The following RNF2 variants were observed in gnomAD, a reference collection of about 807,000 sequenced individuals.
The protein encoded by RNF2 is ring finger protein 2.
Under a neutral mutation model 37.2 loss-of-function variants are expected in RNF2, and 6 were observed. The ratio of observed to expected loss-of-function variants is 0.16; its 90% confidence interval spans 0.09 to 0.32. The LOEUF (loss-of-function observed/expected upper bound fraction) is 0.32. Ranked by LOEUF, RNF2 falls within the 10% of genes least tolerant of loss-of-function variation. RNF2 has a pLI of 1.00. For synonymous variants in RNF2, 133 were observed against 132.7 expected (o/e 1.00, Z -0.02); for missense variants, 251 against 404.0 (o/e 0.62, Z 3.25).
chr1:185,064,017 C>T (rs1402898808), intron 1 of RNF2, among the ~76,000 whole-genome samples: 1 of 152,164 alleles, frequency 6.6e-6, no homozygotes, highest in Non-Finnish European at 1.5e-5. Flanking sequence ...TCCATTTTGC[C>T]ATGTAAGGTT....
At chr1:185,088,573 A>G (rs891542717) in intron 2 of RNF2, among the ~76,000 whole-genome samples, 3 of 151,448 alleles carry the variant, frequency 2.0e-5, no homozygotes, top group African/African-American at 7.3e-5. Flanking sequence ...AAAAAAAGCT[A>G]AAGGAAGTAT....
chr1:185,092,585 C>G (rs1651800417), intron 3 of RNF2, among the ~76,000 whole-genome samples: 1 of 152,070 alleles, frequency 6.6e-6, no homozygotes, highest in Non-Finnish European at 1.5e-5. Context: ...TTAGACACTT[C>G]ATAAGATGAG....
chr1:185,092,291 C>G (rs1472325957), intron 3 of RNF2, among the ~76,000 whole-genome samples: 3 of 152,088 alleles, frequency 2.0e-5, no homozygotes, highest in Non-Finnish European at 1.5e-5. Flanking sequence ...ATTCTCCTGC[C>G]TCAGCCTCCT....
chr1:185,067,257 A>G (rs1650823102), intron 1 of RNF2, among the ~76,000 whole-genome samples: 1 of 152,218 alleles, frequency 6.6e-6, no homozygotes, highest in African/African-American at 2.4e-5. Flanking sequence ...TACAGAAATT[A>G]GCGTCTGTCT....
intron 1 of RNF2, among the ~76,000 whole-genome samples, chr1:185,067,578 A>G (rs1650833848): frequency 6.6e-6 from 1 of 152,180 alleles, no homozygotes; most frequent in South Asian, 2.1e-4. Context: ...AGAGAAAAAC[A>G]TATCTCATTA....
intron 1 of RNF2, among the ~76,000 whole-genome samples, chr1:185,067,657 GA>G (rs942229803): frequency 3.7e-4 from 55 of 147,710 alleles, no homozygotes; most frequent in Admixed American, 3.3e-3. Context: ...TCAAACAAAT[GA>G]AAAAAATGCT....
At chr1:185,085,606 A>G (rs1054346210) in intron 1 of RNF2, among the ~76,000 whole-genome samples, 7 of 151,578 alleles carry the variant, frequency 4.6e-5, no homozygotes, top group African/African-American at 9.7e-5. Flanking sequence ...TCTACCTTCT[A>G]TACTACTTGA....
chr1:185,091,806 G>A, intron 3 of RNF2, 67 bp downstream of exon 3: 2 of 1,356,390 alleles, frequency 1.5e-6, no homozygotes, highest in South Asian at 2.8e-5. Context: ...CAGGGTTTGA[G>A]AAATACATTT....
chr1:185,070,933 G>A (rs2378957), intron 1 of RNF2, among the ~76,000 whole-genome samples: 47,205 of 152,000 alleles, frequency 0.31, 7,964 homozygotes, highest in African/African-American at 0.42. Flanking sequence ...CACTGCACCC[G>A]GCCAGACTGC....
chr1:185,094,141 T>A (rs543577226), intron 4 of RNF2, among the ~76,000 whole-genome samples: 3 of 151,928 alleles, frequency 2.0e-5, no homozygotes, highest in East Asian at 1.9e-4. Context: ...GTTTTTTTTT[T>A]TTATTTTTTT....
chr1:185,077,438 GTTTT>G (rs2102180959), intron 1 of RNF2, among the ~76,000 whole-genome samples: 2 of 152,052 alleles, frequency 1.3e-5, no homozygotes, highest in African/African-American at 4.8e-5. Flanking sequence ...AACATTGATT[GTTTT>G]GGGACTTCCG....
rs535618986 is a variant in RNF2 at position 185,048,571 on chromosome 1, AT to A, written c.-3+2923del. The stretch of plus-strand genomic sequence containing the variant: ...AATTAACCTTGGGTTAAATTTTCTA[AT>A]GAGAGCATACTATTAAGTGAAGTAA... On this transcript the variant is annotated intron_variant, in intron 1 of 6. Transcript: ENST00000367510. Among the ~76,000 whole-genome samples, 673 of 152,344 alleles carry A rather than the reference AT, an allele frequency of 4.4e-3. 11 individuals carry two copies. The highest frequency in any genetic ancestry group is 0.016 in the African/African-American group (646 of 41,578).
In RNF2 at chr1:185,056,898, TAATC is replaced by T. The variant is rs1282384668; in HGVS notation, c.-3+11251_-3+11254del. On this transcript the variant is annotated intron_variant, in intron 1 of 6. Transcript: ENST00000367510. The stretch of plus-strand genomic sequence containing the variant: ...AGTAGGAAAAAATGCTTTTGGTACT[TAATC>T]AGTCTTATATTTTGCTCTATTTTCC... Among the ~76,000 whole-genome samples, 16 of 152,346 alleles carry T rather than the reference TAATC, an allele frequency of 1.1e-4. No homozygotes were observed. The East Asian group carries it at 2.9e-3, about 27-fold the overall frequency.
In RNF2 at chr1:185,101,708, T is replaced by C. The variant is rs1652081404; in HGVS notation, c.*1407T>C. ...TGTCTAGTCATTGTAAATATTTATC[T>C]GTCAGTTTTGACAGATTGGGGCCAG... is the stretch of plus-strand genomic sequence containing the variant. On this transcript the variant is annotated 3_prime_UTR_variant, in exon 7 of 7. Transcript: ENST00000367510. 1.3e-5 allele frequency: 2 copies of C among 152,272 alleles called. No homozygotes were observed. The highest frequency in any genetic ancestry group is 4.8e-5 in the African/African-American group (2 of 41,444). 9.4% of individuals were successfully genotyped at this position (152,272 alleles called of 1,614,324 possible).
chr1:185,090,235 T>A (rs969791890), intron 2 of RNF2, among the ~76,000 whole-genome samples: 14 of 152,138 alleles, frequency 9.2e-5, no homozygotes, highest in African/African-American at 3.4e-4. Context: ...TGGTGAAATT[T>A]TTAGTTACAC....
chr1:185,053,353 A>G (rs973063077), intron 1 of RNF2, among the ~76,000 whole-genome samples: 1 of 150,216 alleles, frequency 6.7e-6, no homozygotes, highest in Non-Finnish European at 1.5e-5. Flanking sequence ...TTTTTTTTTA[A>G]GAGACAGGAT....
At chr1:185,082,345 C>CTTTTTTTTTTTTTTTTTTGTTTTTTTT (rs1651444953) in intron 1 of RNF2, among the ~76,000 whole-genome samples, 1 of 72,000 alleles carries the variant, frequency 1.4e-5, no homozygotes, top group Non-Finnish European at 2.9e-5. Context: ...CTCTGCAGAA[C>CTTTTTTTTTTTTTTTTTTGTTTTTTTT]TTTTTTTTTT....
chr1:185,083,259 TTG>T (rs1651482129), intron 1 of RNF2, among the ~76,000 whole-genome samples: 1 of 152,204 alleles, frequency 6.6e-6, no homozygotes, highest in Admixed American at 6.6e-5. Flanking sequence ...ATTCGAAGGA[TTG>T]TATGTTTGTT....
At chr1:185,056,802 G>T (rs758767552) in intron 1 of RNF2, among the ~76,000 whole-genome samples, 1 of 151,940 alleles carries the variant, frequency 6.6e-6, no homozygotes, top group Non-Finnish European at 1.5e-5. Context: ...AAATGTCTTT[G>T]AATAAAATAG....
Sources: gnomAD v4.1 joint callset for allele counts (sites outside exome capture counted in the v4.1 genomes callset) on GRCh38, gnomAD v4.1.1 for gene constraint, MANE v1.5 for transcripts, NCBI Gene and HGNC (gene_info 2026-07-23, HGNC 2026-07-21) for gene names.